The following RALGAPB variants were observed in gnomAD, a reference collection of about 807,000 sequenced individuals.
The protein encoded by RALGAPB is ral GTPase-activating protein subunit beta.
Under a neutral mutation model 161.1 loss-of-function variants are expected in RALGAPB, and 25 were observed. That is an observed-to-expected ratio of 0.16 (90% confidence interval 0.11 to 0.22). The LOEUF is 0.22. Among genes scored for constraint, RALGAPB ranks in the 10% least tolerant of loss-of-function variants. The pLI, the probability that RALGAPB is intolerant of heterozygous loss-of-function variation, is 1.00. For synonymous variants in RALGAPB, 629 were observed against 626.1 expected (o/e 1.00, Z -0.07); for missense variants, 1,391 against 1,815.2 (o/e 0.77, Z 4.25).
chr20:38,477,517 C>T (rs902540419), intron 1 of RALGAPB, among the ~76,000 whole-genome samples: 1 of 152,086 alleles, frequency 6.6e-6, no homozygotes, highest in African/African-American at 2.4e-5. Flanking sequence ...TGAATACCTT[C>T]CTTTTTTGCC....
At chr20:38,539,611 C>CA (rs1390795886) in intron 16 of RALGAPB, among the ~76,000 whole-genome samples, 165 bp from the exon 17 acceptor site, 4 of 152,104 alleles carry the variant, frequency 2.6e-5, no homozygotes, top group Non-Finnish European at 4.4e-5. Flanking sequence ...TGGAGTATTA[C>CA]AATACATCTG....
At chr20:38,534,846 T>C (rs1315171118) in intron 15 of RALGAPB, among the ~76,000 whole-genome samples, 2 of 152,204 alleles carry the variant, frequency 1.3e-5, no homozygotes, top group Non-Finnish European at 2.9e-5. Flanking sequence ...TGTGTCAAAG[T>C]GCGTGAACCA....
rs1249705645 is a variant in RALGAPB, at chr20:38,578,776, C to G, written c.*3809C>G. The G allele has an allele frequency of 6.6e-5, 10 of 152,540 alleles. No individual in the cohort carries two copies. In the East Asian group the frequency reaches 1.9e-3, roughly 29 times the overall value. The allele number at this position is 152,540 out of a possible 1,614,324, so 9.4% of individuals were successfully genotyped here. A position where few individuals can be genotyped will look rare whatever the true frequency, so the allele number is the denominator to read the frequency against. On this transcript the variant is annotated 3_prime_UTR_variant, in exon 30 of 30. Transcript: ENST00000262879. ...GTCCAGAGGTTTGTTTGTATTTATG[C>G]CGATCCTTTGTCCAGAAGAAGCCCA...
Position 38,574,991 on chromosome 20 carries a change from G to C in RALGAPB, c.*24G>C. ...AGACCACTGAATTTCTAAGACTGTT[G>C]AACTCCAGTTTGGGAACTATAACAC... On this transcript the variant is annotated 3_prime_UTR_variant, in exon 30 of 30. Transcript: ENST00000262879. 1 of 1,567,364 alleles carries C rather than the reference G, an allele frequency of 6.4e-7. No homozygotes were observed. The highest frequency in any genetic ancestry group is 8.8e-7 in the Non-Finnish European group (1 of 1,137,758).
Position 38,539,896 on chromosome 20 carries a change from G to A in RALGAPB, c.2500G>A (p.Val834Met). The change falls in exon 17 of 30, where the codon GTG becomes ATG. Residue 834 changes from valine to methionine, a missense_variant. By Grantham distance (21) the Val-to-Met change is conservative. Transcript: ENST00000262879. ...CTCCAGGGATCTGCACTCCATGATAGTGGCAGCTTTTCAGTGTCTCTGTGT... is the reference window on the plus strand; with the variant it reads ...CTCCAGGGATCTGCACTCCATGATAATGGCAGCTTTTCAGTGTCTCTGTGT... ...LHSRDLHSMI[V>M]AAFQCLCVWL... 6.2e-7 allele frequency: 1 copy of A among 1,614,130 alleles called. No homozygotes were observed.
At chr20:38,510,140 A>G (rs936249038) in intron 6 of RALGAPB, among the ~76,000 whole-genome samples, 2 of 141,194 alleles carry the variant, frequency 1.4e-5, no homozygotes, top group African/African-American at 5.7e-5. Context: ...ATACACACAC[A>G]CACACACACA....
chr20:38,507,281 T>C (rs1194217431), intron 5 of RALGAPB, among the ~76,000 whole-genome samples: 1 of 152,222 alleles, frequency 6.6e-6, no homozygotes, highest in Non-Finnish European at 1.5e-5. Context: ...TCTCATTAAA[T>C]AGCTGTTGAG....
At chr20:38,475,594 C>A (rs1384118434) in intron 1 of RALGAPB, among the ~76,000 whole-genome samples, 2 of 151,332 alleles carry the variant, frequency 1.3e-5, no homozygotes, top group Non-Finnish European at 2.9e-5. Flanking sequence ...GAATTAAAAA[C>A]ACATTTCATA....
intron 23 of RALGAPB, among the ~76,000 whole-genome samples, chr20:38,560,548 G>T (rs1268617050): frequency 6.6e-6 from 1 of 152,206 alleles, no homozygotes; most frequent in African/African-American, 2.4e-5. Flanking sequence ...GACCGATGGA[G>T]TCAAGTGTTT....
At chr20:38,525,830 C>G in intron 12 of RALGAPB, 65 bp from the exon 13 acceptor site, 1 of 1,511,098 alleles carries the variant, frequency 6.6e-7, no homozygotes, top group Non-Finnish European at 9.1e-7. Flanking sequence ...CTCCATCTAG[C>G]TGTTCCCACA....
At chr20:38,501,227 G>A (rs1348974292) in intron 5 of RALGAPB, among the ~76,000 whole-genome samples, 1 of 152,212 alleles carries the variant, frequency 6.6e-6, no homozygotes. Flanking sequence ...GCTGAAGCCA[G>A]TGCTCATTTA....
At chr20:38,525,816 G>T in intron 12 of RALGAPB, 79 bp from the exon 13 acceptor site, 1 of 1,424,904 alleles carries the variant, frequency 7.0e-7, no homozygotes, top group South Asian at 1.3e-5. Context: ...ATACTGATCC[G>T]TTCCTCCATC....
intron 3 of RALGAPB, among the ~76,000 whole-genome samples, chr20:38,497,122 C>G (rs1388293175): frequency 6.6e-6 from 1 of 152,196 alleles, no homozygotes; most frequent in African/African-American, 2.4e-5. Context: ...CCGCCTTCCT[C>G]CCAGAAGCTT....
chr20:38,548,804 C>T lies in RALGAPB; in HGVS notation c.3009+9C>T. The T allele has an allele frequency of 6.3e-7, 1 of 1,582,882 alleles. No homozygotes were observed. On this transcript the variant is annotated intron_variant, in intron 20 of 29. Transcript: ENST00000262879. ...CAAAAGCAAATCAGAAGGTATTCAT[C>T]AGAAGTTACAGGGAAGTGTGTGTGT... is the stretch of plus-strand genomic sequence containing the variant.
At chr20:38,574,359 C>A in intron 29 of RALGAPB, 61 bp downstream of exon 29, 1 of 1,486,120 alleles carries the variant, frequency 6.7e-7, no homozygotes, top group Non-Finnish European at 9.0e-7. Flanking sequence ...TTTTTATAAA[C>A]CAAAAAGAAG....
At position 38,497,341 on chromosome 20, in the gene RALGAPB, T is replaced by C. The variant is rs367831289; in HGVS notation, c.390-12T>C. 141 of 1,612,158 alleles carry C rather than the reference T, an allele frequency of 8.7e-5. No homozygotes were observed. The highest frequency in any genetic ancestry group is 1.1e-4 in the Non-Finnish European group (132 of 1,179,062). On this transcript the variant is annotated splice_polypyrimidine_tract_variant and intron_variant, in intron 3 of 29. Coordinates refer to ENST00000262879, the MANE Select transcript of RALGAPB (RefSeq NM_020336.4). ...TCCAGGCTTGTCAGTGATATCTGTC[T>C]GTCTTCTTCAGACAGGAACAGGGTT...
intron 19 of RALGAPB, chr20:38,548,180 C>G (rs1342389455): frequency 6.6e-6 from 1 of 152,170 alleles, no homozygotes; most frequent in Non-Finnish European, 1.5e-5. Context: ...TGTCCCTGAA[C>G]TTCTGCTGAG....
Position 38,578,535 on chromosome 20 carries a change from AG to A in RALGAPB, c.*3569del, listed in dbSNP as rs2088518117. ...ATCTTTCTCCTCTGAAGGGCTTGGCAGTTGTGGCTAAAAAATAAGCAGTATC... is the reference window on the plus strand; with the variant it reads ...ATCTTTCTCCTCTGAAGGGCTTGGCATTGTGGCTAAAAAATAAGCAGTATC... On this transcript the variant is annotated 3_prime_UTR_variant, in exon 30 of 30. Transcript: ENST00000262879. 6.6e-6 allele frequency: 1 copy of A among 152,598 alleles called. No homozygotes were observed. Among genetic ancestry groups the A allele is most frequent in the South Asian group, 2.1e-4 (1 of 4,820 alleles). 9.5% of individuals were successfully genotyped at this position (152,598 alleles called of 1,614,324 possible). A position where few individuals can be genotyped will look rare whatever the true frequency, so the allele number is the denominator to read the frequency against.
At chr20:38,479,407 A>G (rs1459076080) in intron 1 of RALGAPB, among the ~76,000 whole-genome samples, 4 of 152,192 alleles carry the variant, frequency 2.6e-5, no homozygotes, top group Non-Finnish European at 5.9e-5. Flanking sequence ...GTTTGAATCA[A>G]TTGATGTAAT....
Sources: gnomAD v4.1 joint callset for allele counts (sites outside exome capture counted in the v4.1 genomes callset) on GRCh38, gnomAD v4.1.1 for gene constraint, MANE v1.5 for transcripts, NCBI Gene and HGNC (gene_info 2026-07-23, HGNC 2026-07-21) for gene names.